Variants in PAK5 observed in about 807,000 individuals in gnomAD.
PAK5 encodes serine/threonine-protein kinase PAK 5.
A neutral mutation model predicts 65.9 loss-of-function variants in PAK5; 16 were observed. That is an observed-to-expected ratio of 0.24 (90% CI 0.16 to 0.37). The LOEUF (loss-of-function observed/expected upper bound fraction) is 0.37, where lower values mean the gene tolerates loss of function less well. PAK5 is among the 10% of genes least tolerant of loss of function. PAK5 has a pLI of 1.00. For synonymous variants in PAK5, 371 were observed against 354.9 expected (o/e 1.05, Z -0.51); for missense variants, 785 against 903.9 (o/e 0.87, Z 1.69).
intron 9 of PAK5, among the ~76,000 whole-genome samples, chr20:9,540,897 T>C (rs2045251559): frequency 6.6e-6 from 1 of 152,032 alleles, no homozygotes; most frequent in South Asian, 2.1e-4. Flanking sequence ...CCACCATGCT[T>C]GGCTAATTTT....
At chr20:9,661,594 A>G (rs1478500413) in intron 2 of PAK5, among the ~76,000 whole-genome samples, 1 of 152,142 alleles carries the variant, frequency 6.6e-6, no homozygotes, top group Non-Finnish European at 1.5e-5. Context: ...TTGCCCCTCA[A>G]TAGAATTATT....
chr20:9,641,960 T>C (rs1258145217), intron 3 of PAK5, among the ~76,000 whole-genome samples: 1 of 152,124 alleles, frequency 6.6e-6, no homozygotes, highest in Non-Finnish European at 1.5e-5. Flanking sequence ...CGGTTCCCAC[T>C]TGTGCCTCTC....
chr20:9,831,207 G>A (rs985500992), intron 1 of PAK5, among the ~76,000 whole-genome samples: 1 of 151,886 alleles, frequency 6.6e-6, no homozygotes, highest in African/African-American at 2.4e-5. Flanking sequence ...GTTTTGGGGG[G>A]TGTGTGTGTG....
intron 1 of PAK5, among the ~76,000 whole-genome samples, chr20:9,727,802 G>T (rs908118771): frequency 1.3e-5 from 2 of 152,016 alleles, no homozygotes; most frequent in African/African-American, 4.8e-5. Flanking sequence ...GCCACTTGGG[G>T]CTCCTGCATG....
intron 1 of PAK5, among the ~76,000 whole-genome samples, chr20:9,754,486 T>A (rs773503563): frequency 2.0e-5 from 3 of 152,130 alleles, no homozygotes; most frequent in Non-Finnish European, 4.4e-5. Flanking sequence ...TGGTGCCAGG[T>A]GATCCATTGA....
rs202238635 is a variant in PAK5, at chr20:9,720,282, AG to A, written c.-161-8848del. On this transcript the variant is annotated intron_variant, in intron 1 of 9. Coordinates refer to ENST00000353224, the MANE Select transcript of PAK5 (RefSeq NM_177990.4). The stretch of plus-strand genomic sequence containing the variant: ...AAAAAAAGTTATTTTTATTTTTATT[AG>A]TCTTTAACAGTCAATAAATCCCAAT... Among the ~76,000 whole-genome samples, 1,458 of 152,270 alleles carry A rather than the reference AG, an allele frequency of 9.6e-3. 25 individuals carry two copies. Among genetic ancestry groups the A allele is most frequent in the African/African-American group, 0.032 (1,329 of 41,532 alleles).
intron 1 of PAK5, among the ~76,000 whole-genome samples, chr20:9,820,979 T>C (rs1254542192): frequency 6.6e-6 from 1 of 152,188 alleles, no homozygotes; most frequent in East Asian, 1.9e-4. Flanking sequence ...ATTTCTTCTC[T>C]TTATTCTTTT....
intron 3 of PAK5, among the ~76,000 whole-genome samples, chr20:9,620,398 C>T (rs1178528809): frequency 6.6e-6 from 1 of 152,232 alleles, no homozygotes; most frequent in Admixed American, 6.5e-5. Flanking sequence ...CTGGGACCAT[C>T]ATGACCTAAA....
At chr20:9,574,368 C>A (rs573543432) in intron 4 of PAK5, among the ~76,000 whole-genome samples, 2 of 152,118 alleles carry the variant, frequency 1.3e-5, no homozygotes, top group African/African-American at 4.8e-5. Flanking sequence ...TTGGCATATC[C>A]AATTAACCCC....
chr20:9,812,981 T>C (rs1259267061), intron 1 of PAK5, among the ~76,000 whole-genome samples: 2 of 152,050 alleles, frequency 1.3e-5, no homozygotes, highest in Non-Finnish European at 2.9e-5. Flanking sequence ...AAAAGTTTAA[T>C]AGTAACTTAA....
intron 1 of PAK5, among the ~76,000 whole-genome samples, chr20:9,735,526 C>A (rs2048378532): frequency 6.6e-6 from 1 of 152,022 alleles, no homozygotes; most frequent in African/African-American, 2.4e-5. Flanking sequence ...GATCCGTGGA[C>A]GTTAGGTAAA....
At chr20:9,729,193 C>T (rs1257664496) in intron 1 of PAK5, among the ~76,000 whole-genome samples, 1 of 151,676 alleles carries the variant, frequency 6.6e-6, no homozygotes, top group Non-Finnish European at 1.5e-5. Context: ...CAAAATTGTG[C>T]CACTGCACTC....
chr20:9,568,080 G>A (rs892735144), intron 4 of PAK5, among the ~76,000 whole-genome samples: 4 of 152,176 alleles, frequency 2.6e-5, no homozygotes, highest in African/African-American at 9.7e-5. Context: ...AAGATGGGCC[G>A]AGAAGCTGCC....
chr20:9,589,017 A>C (rs1321150192), intron 3 of PAK5, among the ~76,000 whole-genome samples: 1 of 152,206 alleles, frequency 6.6e-6, no homozygotes, highest in Admixed American at 6.5e-5. Flanking sequence ...CTGCCCTCAC[A>C]GACTGTATTA....
chr20:9,773,349 AT>A (rs1375628631), intron 1 of PAK5, among the ~76,000 whole-genome samples: 3 of 152,072 alleles, frequency 2.0e-5, no homozygotes, highest in Non-Finnish European at 4.4e-5. Context: ...TTAACTCATC[AT>A]TTATATTAGG....
chr20:9,792,046 C>T (rs1236308768), intron 1 of PAK5, among the ~76,000 whole-genome samples: 2 of 152,164 alleles, frequency 1.3e-5, no homozygotes, highest in Admixed American at 1.3e-4. Flanking sequence ...TATTGCCTGC[C>T]TTTCTCCCCT....
chr20:9,654,600 TAA>T (rs1387610275), intron 2 of PAK5, among the ~76,000 whole-genome samples: 1 of 152,012 alleles, frequency 6.6e-6, no homozygotes, highest in Non-Finnish European at 1.5e-5. Context: ...TTGAAAAATA[TAA>T]GTCTGTATCA....
chr20:9,753,241 C>T (rs2123623480), intron 1 of PAK5, among the ~76,000 whole-genome samples: 1 of 152,218 alleles, frequency 6.6e-6, no homozygotes, highest in South Asian at 2.1e-4. Context: ...TCTATTGTTA[C>T]AGTGGGAAAG....
chr20:9,629,524 G>A (rs924471306), intron 3 of PAK5, among the ~76,000 whole-genome samples: 3 of 27,140 alleles, frequency 1.1e-4, no homozygotes. Context: ...GTCTTGCTAT[G>A]TTGTTCTTGA....
Sources: gnomAD v4.1 joint callset for allele counts (sites outside exome capture counted in the v4.1 genomes callset) on GRCh38, gnomAD v4.1.1 for gene constraint, MANE v1.5 for transcripts, NCBI Gene and HGNC (gene_info 2026-07-23, HGNC 2026-07-21) for gene names.